The following STK39 variants were observed in gnomAD, a reference collection of about 807,000 sequenced individuals.
STK39 encodes serine/threonine kinase 39, also known as STE20/SPS1-related proline-alanine-rich protein kinase.
STK39 carries 20 observed loss-of-function variants against 77.8 expected under a neutral mutation model. That is an observed-to-expected ratio of 0.26 (90% CI 0.18 to 0.37). STK39 has a LOEUF of 0.37. STK39 is among the 10% of genes least tolerant of loss of function. STK39 has a pLI of 1.00. For missense variants in STK39, 479 were observed against 656.5 expected, an observed-to-expected ratio of 0.73 and a Z score of 2.95; for synonymous variants, 246 against 234.1, an observed-to-expected ratio of 1.05 and a Z score of -0.47.
chr2:168,043,461 T>G (rs937684030), intron 14 of STK39, among the ~76,000 whole-genome samples: 1 of 152,206 alleles, frequency 6.6e-6, no homozygotes, highest in African/African-American at 2.4e-5. Flanking sequence ...ACCCCCAAAA[T>G]GTAGTTAAAC....
intron 14 of STK39, among the ~76,000 whole-genome samples, chr2:168,057,529 TATA>T (rs1468840721): frequency 2.6e-5 from 4 of 151,872 alleles, no homozygotes; most frequent in Non-Finnish European, 4.4e-5. Context: ...TTTCCTTAAT[TATA>T]ATCACACGCA....
chr2:168,247,368 G>A lies in STK39; in HGVS notation c.68C>T (p.Ala23Val), dbSNP rs755401292. 8.0e-6 allele frequency: 8 copies of A among 998,276 alleles called. No homozygotes were observed. Among genetic ancestry groups the A allele is most frequent in the South Asian group, 4.2e-5 (1 of 23,534 alleles). 61.8% of individuals were successfully genotyped at this position (998,276 alleles called of 1,614,324 possible). Reference sequence around the variant, plus strand: ...CGCGGCCGCCGGGGCCGCCGCCGCCGCCGCTGTCACCGGGGCCGCCTGCTG... The same window carrying A: ...CGCGGCCGCCGGGGCCGCCGCCGCCACCGCTGTCACCGGGGCCGCCTGCTG... ...LPQQAAPVTAAAAAAPAAATA... is the reference protein window; with the variant it reads ...LPQQAAPVTAVAAAAPAAATA... The change falls in exon 1 of 18, where the codon GCG becomes GTG. Residue 23 changes from alanine to valine, a missense_variant. Ala to Val is a moderately conservative substitution (Grantham distance 64). Around this residue, in one of 3 missense-constraint regions of STK39, gnomAD observed 96 missense variants for 79.1 expected, o/e 1.21. Transcript: ENST00000355999.
At chr2:168,076,259 G>A (rs1168113622) in intron 10 of STK39, among the ~76,000 whole-genome samples, 1 of 152,110 alleles carries the variant, frequency 6.6e-6, no homozygotes, top group African/African-American at 2.4e-5. Context: ...AGTAATGAAG[G>A]CAAAGCAAGG....
intron 12 of STK39, among the ~76,000 whole-genome samples, chr2:168,072,141 G>A (rs1174174893): frequency 6.6e-6 from 1 of 152,182 alleles, no homozygotes; most frequent in Non-Finnish European, 1.5e-5. Context: ...AATCAAGCAA[G>A]TTGCAAAAAT....
intron 1 of STK39, among the ~76,000 whole-genome samples, chr2:168,230,383 T>G (rs1289435599): frequency 6.6e-6 from 1 of 152,048 alleles, no homozygotes; most frequent in Non-Finnish European, 1.5e-5. Flanking sequence ...AGAAACAAAG[T>G]ACAGGCAAGT....
chr2:167,962,570 C>T (rs10497331), intron 17 of STK39, among the ~76,000 whole-genome samples: 16,910 of 152,272 alleles, frequency 0.11, 1,109 homozygotes, highest in Middle Eastern at 0.18. Context: ...ACTACGTTTT[C>T]AAGCTGTAAT....
intron 7 of STK39, among the ~76,000 whole-genome samples, chr2:168,139,395 T>A (rs976789980): frequency 8.0e-6 from 1 of 124,564 alleles, no homozygotes; most frequent in African/African-American, 3.5e-5. Flanking sequence ...ATCCTAACTA[T>A]GTTAAAAAAA....
chr2:168,232,202 C>T (rs1690474952), intron 1 of STK39: 2 of 211,154 alleles, frequency 9.5e-6, no homozygotes. Flanking sequence ...GCAACATAAG[C>T]CTGCTTGCGG....
intron 1 of STK39, among the ~76,000 whole-genome samples, chr2:168,232,942 A>G (rs1199211989): frequency 6.6e-6 from 1 of 152,046 alleles, no homozygotes; most frequent in Non-Finnish European, 1.5e-5. Flanking sequence ...ATGAAATTAT[A>G]GCCTTCAGAA....
chr2:168,228,751 T>G (rs916973508), intron 1 of STK39, among the ~76,000 whole-genome samples: 1 of 152,164 alleles, frequency 6.6e-6, no homozygotes. Context: ...ATTGCGCCAT[T>G]GCACTCCAGC....
At chr2:168,179,040 G>A (rs1263192516) in intron 2 of STK39, among the ~76,000 whole-genome samples, 2 of 151,570 alleles carry the variant, frequency 1.3e-5, no homozygotes, top group Non-Finnish European at 2.9e-5. Flanking sequence ...TGTCCCAGTG[G>A]CCAACAAATA....
At chr2:168,135,110 G>T (rs945842857) in intron 8 of STK39, among the ~76,000 whole-genome samples, 1 of 151,256 alleles carries the variant, frequency 6.6e-6, no homozygotes, top group Non-Finnish European at 1.5e-5. Context: ...AGTGGCACAG[G>T]TTCTCCCAAA....
At chr2:168,247,084 A>C (rs1256858416) in intron 1 of STK39, 144 bp downstream of exon 1, 3 of 298,916 alleles carry the variant, frequency 1.0e-5, no homozygotes, top group African/African-American at 2.4e-5. Flanking sequence ...AAAAAAAAAA[A>C]AAAAACTGTT....
chr2:168,189,682 T>C (rs1156622458), intron 1 of STK39, among the ~76,000 whole-genome samples: 2 of 152,234 alleles, frequency 1.3e-5, no homozygotes, highest in East Asian at 3.9e-4. Flanking sequence ...TAGGCATTTT[T>C]GTTTTCTTAA....
chr2:168,101,802 G>C (rs950608778), intron 10 of STK39, among the ~76,000 whole-genome samples: 12 of 151,944 alleles, frequency 7.9e-5, no homozygotes, highest in Admixed American at 3.3e-4. Flanking sequence ...ATAATCCACC[G>C]TAAAACTCAA....
intron 5 of STK39, 133 bp downstream of exon 5, chr2:168,161,654 C>T: frequency 1.6e-6 from 1 of 609,950 alleles, no homozygotes; most frequent in Non-Finnish European, 2.7e-6. Flanking sequence ...TCCTTCGGAC[C>T]CAAACATTCT....
intron 10 of STK39, among the ~76,000 whole-genome samples, chr2:168,101,802 G>T (rs950608778): frequency 6.6e-6 from 1 of 151,944 alleles, no homozygotes; most frequent in Non-Finnish European, 1.5e-5. Flanking sequence ...ATAATCCACC[G>T]TAAAACTCAA....
intron 1 of STK39, among the ~76,000 whole-genome samples, chr2:168,236,900 T>C (rs968033793): frequency 2.0e-5 from 3 of 152,136 alleles, no homozygotes; most frequent in Admixed American, 6.6e-5. Flanking sequence ...CCAGCTTTGT[T>C]CTTTTGTCTT....
intron 16 of STK39, among the ~76,000 whole-genome samples, chr2:167,967,557 A>G (rs146810937): frequency 6.0e-4 from 91 of 152,176 alleles, no homozygotes; most frequent in African/African-American, 2.0e-3. Flanking sequence ...CTAAGGTATG[A>G]TAAGTATTGT....
Sources: allele counts gnomAD v4.1 joint callset (sites outside exome capture counted in the v4.1 genomes callset), GRCh38; gene constraint gnomAD v4.1.1; regional missense constraint gnomAD v4.1.1; transcripts MANE v1.5; gene names NCBI Gene and HGNC (gene_info 2026-07-23, HGNC 2026-07-21).